Variants in TCAIM observed in about 807,000 individuals in gnomAD.
TCAIM encodes the protein T cell activation inhibitor, mitochondrial.
In TCAIM, 36 loss-of-function variants were observed where a neutral mutation model predicts 58.6. The ratio of observed to expected loss-of-function variants is 0.61; its 90% CI spans 0.47 to 0.81. TCAIM has a LOEUF of 0.81. Ranked by LOEUF, TCAIM falls within the 30% of genes least tolerant of loss-of-function variation. The pLI is 0.00. For missense variants in TCAIM, 466 were observed against 579.6 expected, an observed-to-expected ratio of 0.80 and a Z score of 2.01; for synonymous variants, 172 against 193.6, an observed-to-expected ratio of 0.89 and a Z score of 0.93.
intron 1 of TCAIM, among the ~76,000 whole-genome samples, chr3:44,351,006 A>ATTG (rs568958020): frequency 6.6e-6 from 1 of 152,060 alleles, no homozygotes. Context: ...TGTATTTTTT[A>ATTG]TTGTTGTTGT....
At chr3:44,356,988 A>G (rs1317910914) in intron 2 of TCAIM, among the ~76,000 whole-genome samples, 2 of 151,978 alleles carry the variant, frequency 1.3e-5, no homozygotes, top group African/African-American at 4.8e-5. Context: ...CTCAAAAAAA[A>G]AGAATGAGAA....
Position 44,407,707 on chromosome 3 carries a change from A to T in TCAIM, c.*25A>T. The T allele has an allele frequency of 1.3e-6, 2 of 1,550,900 alleles. No individual in the cohort carries two copies. Among genetic ancestry groups the T allele is most frequent in the South Asian group, 2.5e-5 (2 of 80,708 alleles). Reference sequence around the variant, plus strand: ...ACACAGAAATCTGTTTTATTTTTTTAAGAGATAAGAAAGGAACTTAAATTA... The same window carrying T: ...ACACAGAAATCTGTTTTATTTTTTTTAGAGATAAGAAAGGAACTTAAATTA... On this transcript the variant is annotated 3_prime_UTR_variant, in exon 11 of 11. Transcript: ENST00000342649.
At chr3:44,359,055 C>G in intron 3 of TCAIM, 1 of 982,422 alleles carries the variant, frequency 1.0e-6, no homozygotes, top group Non-Finnish European at 1.2e-6. Context: ...CTTAGTAATA[C>G]TTTAATATTA....
intron 5 of TCAIM, among the ~76,000 whole-genome samples, chr3:44,373,479 A>AC (rs949582386): frequency 1.5e-5 from 2 of 133,550 alleles, no homozygotes; most frequent in African/African-American, 5.4e-5. Context: ...ACATGGTGAA[A>AC]CCCCATCTCT....
intron 1 of TCAIM, 39 bp downstream of exon 1, chr3:44,338,873 A>C (rs544761032): frequency 6.6e-6 from 1 of 152,242 alleles, no homozygotes; most frequent in Non-Finnish European, 1.5e-5. Context: ...TGGTGCATTC[A>C]TGCTCCTCTA....
At chr3:44,338,494 C>T (rs560103534), upstream of TCAIM, 14 of 152,560 alleles carry the variant, frequency 9.2e-5, no homozygotes, top group South Asian at 4.1e-4. Context: ...GCGTCACCTG[C>T]AGCTCGTCCC....
At chr3:44,405,838 G>A (rs1702091378) in intron 10 of TCAIM, among the ~76,000 whole-genome samples, 1 of 107,190 alleles carries the variant, frequency 9.3e-6, no homozygotes, top group Non-Finnish European at 2.0e-5. Flanking sequence ...TGCAATCCCA[G>A]CTACTTGGGA....
At chr3:44,353,396 AGTT>A (rs1339192138) in intron 1 of TCAIM, among the ~76,000 whole-genome samples, 1 of 152,226 alleles carries the variant, frequency 6.6e-6, no homozygotes, top group African/African-American at 2.4e-5. Context: ...CCTGTGCGCT[AGTT>A]GTTGTGTGGA....
At chr3:44,377,197 T>C (rs759198652) in intron 5 of TCAIM, among the ~76,000 whole-genome samples, 9 of 152,054 alleles carry the variant, frequency 5.9e-5, no homozygotes, top group Non-Finnish European at 1.2e-4. Context: ...AAGATAGTAT[T>C]CCATGCAATA....
chr3:44,374,352 T>G (rs1701531451), intron 5 of TCAIM, among the ~76,000 whole-genome samples: 1 of 152,076 alleles, frequency 6.6e-6, no homozygotes, highest in Admixed American at 6.6e-5. Flanking sequence ...TTAAGTATTA[T>G]TTCTCAAAAT....
At chr3:44,338,873 A>G (rs544761032) in intron 1 of TCAIM, 39 bp downstream of exon 1, 2 of 152,360 alleles carry the variant, frequency 1.3e-5, no homozygotes, top group East Asian at 3.9e-4. Flanking sequence ...TGGTGCATTC[A>G]TGCTCCTCTA....
chr3:44,360,457 C>T (rs981952919), intron 3 of TCAIM, among the ~76,000 whole-genome samples: 8 of 151,688 alleles, frequency 5.3e-5, no homozygotes, highest in Admixed American at 4.6e-4. Context: ...TTAAAAAATC[C>T]TCTTTAATTT....
intron 1 of TCAIM, among the ~76,000 whole-genome samples, chr3:44,342,809 T>C (rs1387556966): frequency 6.6e-6 from 1 of 152,074 alleles, no homozygotes; most frequent in Non-Finnish European, 1.5e-5. Context: ...CTTTCCCCTA[T>C]TGACCAATTG....
chr3:44,351,462 A>C (rs1402599614), intron 1 of TCAIM, among the ~76,000 whole-genome samples: 1 of 151,974 alleles, frequency 6.6e-6, no homozygotes, highest in Non-Finnish European at 1.5e-5. Flanking sequence ...GTTTAAAAAA[A>C]TCACCTTTTT....
chr3:44,390,923 G>A (rs1701823719), intron 5 of TCAIM, among the ~76,000 whole-genome samples: 1 of 152,076 alleles, frequency 6.6e-6, no homozygotes, highest in South Asian at 2.1e-4. Flanking sequence ...GATCCCCTCA[G>A]CCCAGAGTCA....
intron 4 of TCAIM, among the ~76,000 whole-genome samples, chr3:44,366,348 T>C (rs890459051): frequency 1.6e-4 from 24 of 150,964 alleles, no homozygotes; most frequent in African/African-American, 5.8e-4. Context: ...AGTGCAGTGG[T>C]ACAATCTCGG....
In TCAIM at chr3:44,389,043, G is replaced by A. The variant is rs543299032; in HGVS notation, c.573-3812G>A. Among the ~76,000 whole-genome samples the A allele has an allele frequency of 2.0e-5, 3 of 152,310 alleles. No individual in the cohort carries two copies. The South Asian group carries it at 6.2e-4, about 32-fold the overall frequency. On this transcript the variant is annotated intron_variant, in intron 5 of 10. Coordinates refer to ENST00000342649, the MANE Select transcript of TCAIM (RefSeq NM_173826.4). ...CCGGTGGCTTACGCCTGTAATCCCG[G>A]CACTTTGGGAGGCCGAGGTGGGTGG...
intron 1 of TCAIM, among the ~76,000 whole-genome samples, chr3:44,346,904 G>A (rs1378087773): frequency 6.6e-6 from 1 of 152,160 alleles, no homozygotes; most frequent in Non-Finnish European, 1.5e-5. Flanking sequence ...TAGTATGGGA[G>A]CAGCTTTTAG....
At chr3:44,352,360 T>C (rs142337630) in intron 1 of TCAIM, among the ~76,000 whole-genome samples, 2 of 152,304 alleles carry the variant, frequency 1.3e-5, no homozygotes, top group East Asian at 1.9e-4. Context: ...TCAGTTGATA[T>C]GGAGACTGTA....
Sources: gnomAD v4.1 joint callset for allele counts (sites outside exome capture counted in the v4.1 genomes callset) on GRCh38, gnomAD v4.1.1 for gene constraint, MANE v1.5 for transcripts, NCBI Gene and HGNC (gene_info 2026-07-23, HGNC 2026-07-21) for gene names.